The following CORO7 variants were observed in gnomAD, a reference collection of about 807,000 sequenced individuals.
CORO7 encodes coronin-7.
Under a neutral mutation model 126.6 loss-of-function variants are expected in CORO7, and 107 were observed. The observed-to-expected ratio is 0.85, with a 90% CI of 0.72 to 0.99. The LOEUF (loss-of-function observed/expected upper bound fraction) is 0.99, where lower values mean the gene tolerates loss of function less well. Ranked by LOEUF, CORO7 falls within the 50% of genes least tolerant of loss-of-function variation. CORO7 has a pLI of 0.00. For synonymous variants in CORO7, 603 were observed against 536.8 expected (o/e 1.12, Z -1.70); for missense variants, 1,314 against 1,255.8 (o/e 1.05, Z -0.70).
rs973243386 is a variant in CORO7, at chr16:4,416,579, C to A, written c.-61G>T. 183 of 1,551,592 alleles carry A rather than the reference C, an allele frequency of 1.2e-4. No individual in the cohort carries two copies. The highest frequency in any genetic ancestry group is 3.5e-4 in the Middle Eastern group (2 of 5,772). ...CCCCGGGCGTCGGGTCTCAGGTGCA[C>A]GCTGAGCAACCGCGACTCCCGCTGC... On this transcript the variant is annotated 5_prime_UTR_variant, in exon 1 of 28. Coordinates refer to ENST00000251166, the MANE Select transcript of CORO7 (RefSeq NM_024535.5).
intron 24 of CORO7, 92 bp downstream of exon 24, chr16:4,358,275 G>A (rs775755041): frequency 4.5e-5 from 69 of 1,544,670 alleles, no homozygotes; most frequent in Non-Finnish European, 5.8e-5. Context: ...CAATGGGTAG[G>A]GAAGTTTGGA....
At chr16:4,360,845 C>T in intron 19 of CORO7, 98 bp downstream of exon 19, 1 of 1,511,480 alleles carries the variant, frequency 6.6e-7, no homozygotes, top group Non-Finnish European at 8.8e-7. Flanking sequence ...TGCCTCTCCT[C>T]ACTGCTGGCC....
intron 19 of CORO7, 77 bp from the exon 20 acceptor site, chr16:4,360,625 C>T: frequency 6.6e-7 from 1 of 1,513,996 alleles, no homozygotes; most frequent in African/African-American, 1.4e-5. Flanking sequence ...CCTGCCCCTC[C>T]TCACTGCTGG....
At chr16:4,360,226 G>A (rs1567245106) in intron 21 of CORO7, 52 bp downstream of exon 21, 2 of 1,609,862 alleles carry the variant, frequency 1.2e-6, no homozygotes, top group Admixed American at 3.3e-5. Flanking sequence ...TGTGGAGAAG[G>A]GGGACACAGG....
At chr16:4,359,414 C>T (rs779910359) in intron 22 of CORO7, 29 bp from the exon 23 acceptor site, 3 of 1,613,524 alleles carry the variant, frequency 1.9e-6, no homozygotes, top group South Asian at 2.2e-5. Context: ...GCTGGGAACC[C>T]TCCGGCAACA....
chr16:4,398,787 G>A (rs888044731), intron 6 of CORO7, among the ~76,000 whole-genome samples: 6 of 152,146 alleles, frequency 3.9e-5, no homozygotes, highest in African/African-American at 1.4e-4. Context: ...GGCCAACATA[G>A]TGAAACTCCG....
rs551063100 is a variant in CORO7, at chr16:4,362,416, C to T, written c.1402+196G>A. ...CTGCTCAGAAGCTGGTGGCCCCAGCCGCCCTCCTATTTTGCAGGTGAGACT... is the reference window on the plus strand; with the variant it reads ...CTGCTCAGAAGCTGGTGGCCCCAGCTGCCCTCCTATTTTGCAGGTGAGACT... On this transcript the variant is annotated intron_variant, in intron 15 of 27. Coordinates refer to ENST00000251166, the MANE Select transcript of CORO7 (RefSeq NM_024535.5). The surrounding 1 kb of genome is among the most constrained non-coding windows in gnomAD (Gnocchi z 5.3). Among the ~76,000 whole-genome samples, 43 of 152,264 alleles carry T rather than the reference C, an allele frequency of 2.8e-4. No homozygotes were observed. The highest frequency in any genetic ancestry group is 1.6e-3 in the Admixed American group (24 of 15,296).
intron 8 of CORO7, 43 bp downstream of exon 8, chr16:4,388,502 C>T: frequency 1.9e-6 from 3 of 1,589,486 alleles, no homozygotes; most frequent in Non-Finnish European, 1.7e-6. Flanking sequence ...CTGGACATGT[C>T]CCCACCTGGC....
At chr16:4,393,788 T>C (rs2055480373) in intron 7 of CORO7, among the ~76,000 whole-genome samples, 2 of 152,196 alleles carry the variant, frequency 1.3e-5, no homozygotes, top group South Asian at 4.1e-4. Context: ...CCTCAGCTTC[T>C]AGAAAGTTCT....
chr16:4,356,993 G>T, intron 26 of CORO7, 175 bp downstream of exon 26: 1 of 870,188 alleles, frequency 1.1e-6, no homozygotes. Flanking sequence ...CCACTTCCCG[G>T]GCCCCATGGT....
intron 9 of CORO7, among the ~76,000 whole-genome samples, chr16:4,372,846 G>C (rs1320415435): frequency 1.3e-5 from 2 of 152,164 alleles, no homozygotes; most frequent in African/African-American, 4.8e-5. Context: ...GGAAGGAAGA[G>C]GTCCTGGGGG....
At chr16:4,407,242 C>A in intron 5 of CORO7, among the ~76,000 whole-genome samples, 1 of 151,626 alleles carries the variant, frequency 6.6e-6, no homozygotes, top group East Asian at 1.9e-4. Context: ...GCCACCGCGC[C>A]CGGCCATTAT....
chr16:4,384,930 C>G (rs2055140077), intron 9 of CORO7, among the ~76,000 whole-genome samples: 1 of 151,806 alleles, frequency 6.6e-6, no homozygotes, highest in Admixed American at 6.6e-5. Flanking sequence ...AATGTTTTCA[C>G]TGCAAAGCAA....
At chr16:4,365,676 G>T in intron 9 of CORO7, 131 bp from the exon 10 acceptor site, 2 of 1,247,258 alleles carry the variant, frequency 1.6e-6, no homozygotes, top group Non-Finnish European at 2.2e-6. Flanking sequence ...TGTTCAGCCT[G>T]GTCCCCAGGA....
chr16:4,407,084 A>C (rs918574388), intron 5 of CORO7, among the ~76,000 whole-genome samples: 1 of 151,858 alleles, frequency 6.6e-6, no homozygotes, highest in East Asian at 1.9e-4. Flanking sequence ...AGTAGCTGGG[A>C]TTACAGGTGT....
intron 9 of CORO7, chr16:4,381,833 C>T: frequency 6.2e-7 from 1 of 1,601,422 alleles, no homozygotes; most frequent in Non-Finnish European, 8.5e-7. Context: ...AGCCACGTCA[C>T]ACTGGCCAGC....
chr16:4,360,655 T>G (rs1242407060), intron 19 of CORO7, 107 bp from the exon 20 acceptor site: 1 of 1,411,730 alleles, frequency 7.1e-7, no homozygotes, highest in Non-Finnish European at 9.5e-7. Context: ...TCCTCACTGC[T>G]GTTCCCGCCT....
At chr16:4,386,244 T>TGG (rs1350755282) in intron 9 of CORO7, among the ~76,000 whole-genome samples, 2 of 152,222 alleles carry the variant, frequency 1.3e-5, no homozygotes, top group African/African-American at 2.4e-5. Context: ...AGGCTATTCT[T>TGG]AACTGTGGTA....
chr16:4,360,092 C>T (rs1007800813), intron 21 of CORO7, among the ~76,000 whole-genome samples, 186 bp downstream of exon 21: 2 of 150,926 alleles, frequency 1.3e-5, no homozygotes, highest in South Asian at 4.2e-4. Context: ...TTCATCCACC[C>T]ATCCATCCAT....
Sources: allele counts gnomAD v4.1 joint callset (sites outside exome capture counted in the v4.1 genomes callset), GRCh38; gene constraint gnomAD v4.1.1; non-coding constraint Gnocchi (gnomAD v3.1); transcripts MANE v1.5; gene names NCBI Gene and HGNC (gene_info 2026-07-23, HGNC 2026-07-21).